The following DOCK3 variants were observed in gnomAD, a reference collection of about 807,000 sequenced individuals.
DOCK3 encodes the protein dedicator of cytokinesis protein 3.
DOCK3 carries 60 observed loss-of-function variants against 265.6 expected under a neutral mutation model. The observed-to-expected ratio is 0.23, with a 90% CI of 0.18 to 0.28. The LOEUF (loss-of-function observed/expected upper bound fraction) is 0.28. DOCK3 is among the 10% of genes least tolerant of loss of function. DOCK3 has a pLI of 1.00. For synonymous variants in DOCK3, 881 were observed against 938.0 expected (o/e 0.94, Z 1.11); for missense variants, 1,981 against 2,594.3 (o/e 0.76, Z 5.14).
In DOCK3 at chr3:51,383,845, A is replaced by G. The variant is rs2088817610; in HGVS notation, c.*2286A>G. ...GTACAGGAATTTGAGCAAAAAATGT[A>G]TAGAGTGTGATGTCCAATTGGTATT... On this transcript the variant is annotated 3_prime_UTR_variant, in exon 53 of 53. Coordinates refer to ENST00000266037, the MANE Select transcript of DOCK3 (RefSeq NM_004947.5). 6.5e-6 allele frequency: 1 copy of G among 152,794 alleles called. No individual in the cohort carries two copies. The highest frequency in any genetic ancestry group is 1.9e-4 in the East Asian group (1 of 5,196). The allele number at this position is 152,794 out of a possible 1,614,324, so 9.5% of individuals were successfully genotyped here.
chr3:51,131,977 C>T (rs1009782269), intron 9 of DOCK3, among the ~76,000 whole-genome samples: 1 of 152,176 alleles, frequency 6.6e-6, no homozygotes, highest in African/African-American at 2.4e-5. Flanking sequence ...GGTATGTCTT[C>T]TGGACCCTCC....
chr3:51,280,555 G>T (rs2081055243), intron 27 of DOCK3, among the ~76,000 whole-genome samples: 1 of 152,062 alleles, frequency 6.6e-6, no homozygotes, highest in Non-Finnish European at 1.5e-5. Flanking sequence ...TGCAAATTAG[G>T]ATTTGCTGTT....
At chr3:51,088,849 C>T (rs1465486400) in intron 7 of DOCK3, among the ~76,000 whole-genome samples, 1 of 152,144 alleles carries the variant, frequency 6.6e-6, no homozygotes, top group Non-Finnish European at 1.5e-5. Flanking sequence ...TGGGAGGGAG[C>T]CCTTTATTGT....
chr3:50,842,461 G>A (rs960115349), intron 3 of DOCK3, among the ~76,000 whole-genome samples: 1 of 152,036 alleles, frequency 6.6e-6, no homozygotes, highest in African/African-American at 2.4e-5. Context: ...AGTTTTATTA[G>A]TTTTAAGGTA....
At chr3:51,338,523 G>T (rs72943893) in intron 36 of DOCK3, 104 bp downstream of exon 36, 2 of 1,328,396 alleles carry the variant, frequency 1.5e-6, no homozygotes, top group South Asian at 2.6e-5. Context: ...CAGGCCTAAG[G>T]GTTTGAATCA....
intron 12 of DOCK3, among the ~76,000 whole-genome samples, chr3:51,178,028 T>TAAAA (rs59659600): frequency 4.8e-4 from 66 of 138,076 alleles, no homozygotes; most frequent in Admixed American, 1.9e-3. Context: ...CTCAAAATAG[T>TAAAA]AAAAAAAAAA....
chr3:51,148,333 G>A (rs970062069), intron 10 of DOCK3, among the ~76,000 whole-genome samples: 2 of 152,166 alleles, frequency 1.3e-5, no homozygotes, highest in Admixed American at 1.3e-4. Flanking sequence ...CTGTGCAGAA[G>A]CTCTTTAGTT....
intron 27 of DOCK3, among the ~76,000 whole-genome samples, chr3:51,289,503 CA>C (rs1486439000): frequency 2.0e-5 from 3 of 152,132 alleles, no homozygotes; most frequent in Non-Finnish European, 4.4e-5. Context: ...AAGAAAAGAA[CA>C]AAGGATCTAC....
intron 10 of DOCK3, among the ~76,000 whole-genome samples, chr3:51,151,868 T>A (rs948331489): frequency 6.6e-6 from 1 of 152,224 alleles, no homozygotes; most frequent in Non-Finnish European, 1.5e-5. Flanking sequence ...AGATCCACTG[T>A]TAGTCTGATG....
intron 14 of DOCK3, among the ~76,000 whole-genome samples, chr3:51,223,958 A>G (rs1470800652): frequency 6.6e-6 from 1 of 152,176 alleles, no homozygotes; most frequent in African/African-American, 2.4e-5. Flanking sequence ...CCAAGCAGCA[A>G]TGTCCAAAGG....
intron 3 of DOCK3, chr3:50,877,754 A>T: frequency 1.8e-5 from 5 of 270,540 alleles, no homozygotes; most frequent in Non-Finnish European, 2.9e-5. Context: ...GCTCACTGCA[A>T]CCTCCGCCTC....
At chr3:51,268,768 CTA>C (rs1423568099) in intron 23 of DOCK3, among the ~76,000 whole-genome samples, 3 of 151,940 alleles carry the variant, frequency 2.0e-5, no homozygotes, top group African/African-American at 7.2e-5. Context: ...ATAAGGGAGT[CTA>C]TAAGGAACTC....
chr3:50,886,009 C>G (rs2048311801), intron 3 of DOCK3, among the ~76,000 whole-genome samples: 1 of 151,864 alleles, frequency 6.6e-6, no homozygotes, highest in Non-Finnish European at 1.5e-5. Flanking sequence ...GTTGGAGTTT[C>G]TTTCTGTCTG....
chr3:51,036,492 T>C (rs1254910580), intron 5 of DOCK3, among the ~76,000 whole-genome samples: 1 of 152,208 alleles, frequency 6.6e-6, no homozygotes, highest in African/African-American at 2.4e-5. Context: ...GTTTATCTTA[T>C]GATGTAAGTC....
chr3:50,805,751 G>A (rs1223745856), intron 2 of DOCK3, among the ~76,000 whole-genome samples: 1 of 152,128 alleles, frequency 6.6e-6, no homozygotes, highest in African/African-American at 2.4e-5. Context: ...TATTTCTTTG[G>A]CCTCGTATGT....
At chr3:50,703,526 A>G (rs1371735637) in intron 1 of DOCK3, among the ~76,000 whole-genome samples, 4 of 143,100 alleles carry the variant, frequency 2.8e-5, no homozygotes, top group Non-Finnish European at 6.2e-5. Flanking sequence ...TGGTCTGTTC[A>G]GGTTTTGTTT....
At chr3:50,688,989 G>A (rs528181333) in intron 1 of DOCK3, among the ~76,000 whole-genome samples, 3 of 152,264 alleles carry the variant, frequency 2.0e-5, no homozygotes, top group South Asian at 4.1e-4. Flanking sequence ...AAAATAATGC[G>A]TGGGCTATTC....
At chr3:51,027,987 C>T (rs1420666934) in intron 5 of DOCK3, among the ~76,000 whole-genome samples, 1 of 152,016 alleles carries the variant, frequency 6.6e-6, no homozygotes, top group Non-Finnish European at 1.5e-5. Context: ...GTGTTGTTAG[C>T]TAGTTACTTT....
chr3:50,737,395 A>G (rs1033652790), intron 1 of DOCK3, among the ~76,000 whole-genome samples: 2 of 152,178 alleles, frequency 1.3e-5, no homozygotes, highest in Non-Finnish European at 2.9e-5. Flanking sequence ...CTGTCATGAC[A>G]ACAGCACCAA....
Sources: gnomAD v4.1 joint callset for allele counts (sites outside exome capture counted in the v4.1 genomes callset) on GRCh38, gnomAD v4.1.1 for gene constraint, MANE v1.5 for transcripts, NCBI Gene and HGNC (gene_info 2026-07-23, HGNC 2026-07-21) for gene names.